ZFP92: variants seen among roughly 807,000 people sequenced by gnomAD.
The protein encoded by ZFP92 is ZFP92 zinc finger protein, also known as zinc finger protein 92 homolog.
Under a neutral mutation model 7.6 loss-of-function variants are expected in ZFP92, and 2 were observed. The observed-to-expected ratio is 0.26, with a 90% CI of 0.11 to 0.83. The LOEUF is 0.83. ZFP92 is among the 40% of genes least tolerant of loss of function. ZFP92 has a pLI of 0.65. For missense variants in ZFP92, 324 were observed against 408.3 expected (o/e 0.79, Z 1.78); for synonymous variants, 226 against 183.6 (o/e 1.23, Z -1.87).
rs1460229442 is a variant in ZFP92 at position 153,411,994 on chromosome X, TC to T, written c.-36del. On this transcript the variant is annotated 5_prime_UTR_variant, in exon 2 of 6. Coordinates refer to ENST00000338647, the MANE Select transcript of ZFP92 (RefSeq NM_001136273.2). ...CGGTCCCGAGGCTGGCTAAAGAGCA[TC>T]CTGTCGCTGATCTGCCTGGTGAGTT... Among the ~76,000 whole-genome samples the T allele has an allele frequency of 8.9e-6, 1 of 112,812 alleles. No individual in the cohort carries two copies. Among genetic ancestry groups the T allele is most frequent in the African/African-American group, 3.2e-5 (1 of 31,095 alleles).
chrX:153,420,954 T>C lies in ZFP92; in HGVS notation c.577T>C (p.Phe193Leu), dbSNP rs1556974857. 2 of 1,196,055 alleles carry C rather than the reference T, an allele frequency of 1.7e-6. No individual in the cohort carries two copies. Among genetic ancestry groups the C allele is most frequent in the Admixed American group, 2.3e-5 (1 of 43,334 alleles). Reference protein sequence around the residue: ...PECGKLFRRSFALLEHQRIHS... With the variant: ...PECGKLFRRSLALLEHQRIHS... The stretch of plus-strand genomic sequence containing the variant: ...GTGCGGCAAGCTGTTTCGCCGCAGC[T>C]TCGCGCTCCTGGAGCACCAGCGCAT... The change falls in exon 6 of 6, where the codon TTC (phenylalanine) becomes CTC (leucine). Residue 193 changes from phenylalanine to leucine, a missense_variant. Phe to Leu is a conservative substitution (Grantham distance 22). Transcript: ENST00000338647.
intron 2 of ZFP92, among the ~76,000 whole-genome samples, chrX:153,413,162 T>C (rs2088922866): frequency 9.0e-6 from 1 of 110,690 alleles, no homozygotes; most frequent in African/African-American, 3.3e-5. Flanking sequence ...TGGTGATGCC[T>C]GTCCCTTGCT....
intron 2 of ZFP92, among the ~76,000 whole-genome samples, chrX:153,414,472 C>A (rs1462955296): frequency 1.8e-5 from 2 of 111,298 alleles, no homozygotes; most frequent in Non-Finnish European, 3.8e-5. Flanking sequence ...CTCAGCCTCC[C>A]AAGTATCTGG....
rs1446213074 is a variant in ZFP92, at chrX:153,421,751, C to A, written c.*123C>A. 5 of 825,195 alleles carry A rather than the reference C, an allele frequency of 6.1e-6. No individual in the cohort carries two copies. The East Asian group carries it at 2.9e-4, about 48-fold the overall frequency. 68.0% of individuals were successfully genotyped at this position (825,195 alleles called of 1,213,427 possible). A position where few individuals can be genotyped will look rare whatever the true frequency, so the allele number is the denominator to read the frequency against. The stretch of plus-strand genomic sequence containing the variant: ...CAGGGCCTCGATTGCGGCCACAGCC[C>A]TGACCTCTTTGGCCATCAGAAGACC... On this transcript the variant is annotated 3_prime_UTR_variant, in exon 6 of 6. Coordinates refer to ENST00000338647, the MANE Select transcript of ZFP92 (RefSeq NM_001136273.2).
At position 153,421,523 on chromosome X, in the gene ZFP92, G is replaced by C. The variant is rs145909515; in HGVS notation, c.1146G>C (p.Arg382=). Residue 382 remains arginine, a synonymous_variant, in exon 6 of 6, where the codon CGG becomes CGC. Transcript: ENST00000338647. Reference sequence around the variant, plus strand: ...GCCCTGCGAAGGCGGAGACGGCGCGGAGGCTAGCGGGCCCTGGGAGCACCG... The same window carrying C: ...GCCCTGCGAAGGCGGAGACGGCGCGCAGGCTAGCGGGCCCTGGGAGCACCG... ...ARRPAKAETA[R]RLAGPGSTGP... is the part of the protein sequence containing the mutation. The C allele has an allele frequency of 1.8e-3, 2,049 of 1,131,924 alleles. 21 individuals are homozygous for C. The African/African-American group carries it at 0.033, about 19-fold the overall frequency. 93.3% of individuals were successfully genotyped at this position (1,131,924 alleles called of 1,213,427 possible).
rs1454068018 is a variant in ZFP92, at chrX:153,421,640, C to T, written c.*12C>T. On this transcript the variant is annotated 3_prime_UTR_variant, in exon 6 of 6. Coordinates refer to ENST00000338647, the MANE Select transcript of ZFP92 (RefSeq NM_001136273.2). ...CCAGCCGCCGCTGACTCCCCGCCAG[C>T]GCACCCAGGGCGCGGCCGGTCTGCG... The T allele has an allele frequency of 2.1e-6, 2 of 960,442 alleles. No individual in the cohort carries two copies. The highest frequency in any genetic ancestry group is 3.7e-5 in the South Asian group (1 of 26,955). The allele number at this position is 960,442 out of a possible 1,213,427, so 79.2% of individuals were successfully genotyped here.
intron 3 of ZFP92, 128 bp downstream of exon 3, chrX:153,418,483 C>T: frequency 1.0e-6 from 1 of 997,259 alleles, no homozygotes; most frequent in Non-Finnish European, 1.4e-6. Context: ...TCCTGAGGCG[C>T]ACAATCTGGG....
chrX:153,418,199 C>A, intron 2 of ZFP92, 106 bp from the exon 3 acceptor site: 1 of 913,738 alleles, frequency 1.1e-6, no homozygotes, highest in Admixed American at 2.6e-5. Context: ...CAGGTGGCCG[C>A]TGTGCTTATT....
rs1556975095 is a variant in ZFP92 at position 153,421,330 on chromosome X, G to A, written c.953G>A (p.Arg318Gln). 2.6e-6 allele frequency: 3 copies of A among 1,166,532 alleles called. No homozygotes were observed. Among genetic ancestry groups the A allele is most frequent in the Non-Finnish European group, 3.4e-6 (3 of 875,348 alleles). Residue 318 changes from arginine to glutamine, a missense_variant, in exon 6 of 6, where the codon CGG becomes CAG. Coordinates refer to ENST00000338647, the MANE Select transcript of ZFP92 (RefSeq NM_001136273.2). The part of the protein sequence containing the change: ...IHHQRSHSGE[R>Q]PFACRECGKA... ...CACCAGCGCAGCCACAGCGGCGAGC[G>A]GCCCTTCGCGTGCCGCGAGTGCGGC... is the stretch of plus-strand genomic sequence containing the variant.
At chrX:153,416,365 C>T (rs1735111613) in intron 2 of ZFP92, among the ~76,000 whole-genome samples, 2 of 111,916 alleles carry the variant, frequency 1.8e-5, no homozygotes, top group African/African-American at 3.2e-5. Context: ...AGTCTTTAAC[C>T]TAATGGTTTA....
At position 153,420,821 on chromosome X, in the gene ZFP92, G is replaced by A. The variant is rs1602897623; in HGVS notation, c.444G>A (p.Ala148=). 12 of 1,171,650 alleles carry A rather than the reference G, an allele frequency of 1.0e-5. No individual in the cohort carries two copies. The highest frequency in any genetic ancestry group is 2.3e-4 in the Middle Eastern group (1 of 4,313). ...SAAGPQGPKG[A]EKRYLCQQCG... is the part of the protein sequence containing the mutation. ...CGGGGCCGCAGGGCCCCAAAGGCGC[G>A]GAGAAGCGGTACCTGTGCCAGCAGT... Residue 148 remains alanine (A), a synonymous_variant, in exon 6 of 6, where the codon GCG becomes GCA. Transcript: ENST00000338647.
Position 153,424,422 on chromosome X carries a change from G to A in ZFP92, c.*2794G>A, listed in dbSNP as rs1416210082. On this transcript the variant is annotated 3_prime_UTR_variant, in exon 6 of 6. Coordinates refer to ENST00000338647, the MANE Select transcript of ZFP92 (RefSeq NM_001136273.2). Reference sequence around the variant, plus strand: ...ACGTGAGCTGAACGGGTTTCACATGGAATCAAAGTCAGAATGTTCGAAAAG... The same window carrying A: ...ACGTGAGCTGAACGGGTTTCACATGAAATCAAAGTCAGAATGTTCGAAAAG... 8.9e-6 allele frequency: 1 copy of A among 112,395 alleles called. No individual in the cohort carries two copies. Among genetic ancestry groups the A allele is most frequent in the Non-Finnish European group, 1.9e-5 (1 of 53,264 alleles). 9.3% of individuals were successfully genotyped at this position (112,395 alleles called of 1,213,427 possible). A position where few individuals can be genotyped will look rare whatever the true frequency, so the allele number is the denominator to read the frequency against.
At chrX:153,418,648 T>A in intron 3 of ZFP92, 25 bp from the exon 4 acceptor site, 1 of 1,166,208 alleles carries the variant, frequency 8.6e-7, no homozygotes, top group Middle Eastern at 2.3e-4. Context: ...AATTCCCCTG[T>A]GGCCACAAGA....
intron 2 of ZFP92, among the ~76,000 whole-genome samples, chrX:153,416,190 C>G (rs1218670490): frequency 9.0e-6 from 1 of 111,390 alleles, no homozygotes; most frequent in Non-Finnish European, 1.9e-5. Flanking sequence ...AGTGCCAAGG[C>G]TGCGTTCAAA....
intron 2 of ZFP92, among the ~76,000 whole-genome samples, chrX:153,417,858 G>A (rs192476637): frequency 8.9e-6 from 1 of 112,065 alleles, no homozygotes; most frequent in East Asian, 2.8e-4. Context: ...TGTAGGAGCA[G>A]GGTGGGCCCT....
chrX:153,418,333 T>C lies in ZFP92; in HGVS notation c.11T>C (p.Ile4Thr). 4 of 1,167,822 alleles carry C rather than the reference T, an allele frequency of 3.4e-6. No homozygotes were observed. The highest frequency in any genetic ancestry group is 4.6e-6 in the Non-Finnish European group (4 of 872,969). Residue 4 changes from isoleucine to threonine, a missense_variant, in exon 3 of 6, where the codon ATT (isoleucine) becomes ACT (threonine). Ile to Thr is a moderately conservative substitution (Grantham distance 89). Coordinates refer to ENST00000338647, the MANE Select transcript of ZFP92 (RefSeq NM_001136273.2). ...CTCTGCGCCCTGGTGATGGCAGCCATTCTCCTGACCACGAGACCCAAGGTG... is the reference window on the plus strand; with the variant it reads ...CTCTGCGCCCTGGTGATGGCAGCCACTCTCCTGACCACGAGACCCAAGGTG... MAA[I>T]LLTTRPKVPV...
At chrX:153,416,881 G>A (rs1374179452) in intron 2 of ZFP92, among the ~76,000 whole-genome samples, 2 of 111,681 alleles carry the variant, frequency 1.8e-5, no homozygotes, top group East Asian at 5.6e-4. Context: ...AGCTGGTGGC[G>A]CACGGCATGT....
chrX:153,417,652 G>A (rs782439036), intron 2 of ZFP92, among the ~76,000 whole-genome samples: 18 of 111,712 alleles, frequency 1.6e-4, no homozygotes, highest in Admixed American at 2.8e-4. Context: ...AAGAAGGAAC[G>A]GGCTCCCTCG....
At chrX:153,416,985 C>G (rs2088957382) in intron 2 of ZFP92, among the ~76,000 whole-genome samples, 1 of 111,436 alleles carries the variant, frequency 9.0e-6, no homozygotes, top group African/African-American at 3.3e-5. Flanking sequence ...CTCACTCACC[C>G]CTGAGGGAGG....
Sources: allele counts gnomAD v4.1 joint callset (sites outside exome capture counted in the v4.1 genomes callset), GRCh38; gene constraint gnomAD v4.1.1; transcripts MANE v1.5; gene names NCBI Gene and HGNC (gene_info 2026-07-23, HGNC 2026-07-21).